The following ANO2 variants were observed in gnomAD, a reference collection of about 807,000 sequenced individuals.
ANO2 encodes the protein anoctamin-2.
Under a neutral mutation model 124.2 loss-of-function variants are expected in ANO2, and 101 were observed. The observed-to-expected ratio is 0.81, with a 90% CI of 0.69 to 0.96. ANO2 has a LOEUF of 0.96. Among genes scored for constraint, ANO2 ranks in the 40% least tolerant of loss-of-function variants. The pLI is 0.00. For missense variants in ANO2, 1,293 were observed against 1,274.5 expected, an observed-to-expected ratio of 1.01 and a Z score of -0.22; for synonymous variants, 486 against 482.5, an observed-to-expected ratio of 1.01 and a Z score of -0.09.
intron 1 of ANO2, among the ~76,000 whole-genome samples, chr12:5,930,777 C>G (rs970198212): frequency 3.3e-5 from 5 of 152,172 alleles, no homozygotes; most frequent in African/African-American, 9.6e-5. Context: ...CACCCCTTGC[C>G]CCAGAGGTCC....
chr12:5,628,661 G>A (rs1472275405), intron 16 of ANO2, among the ~76,000 whole-genome samples: 1 of 143,854 alleles, frequency 7.0e-6, no homozygotes, highest in Non-Finnish European at 1.5e-5. Flanking sequence ...TACAGGGTAA[G>A]CAGAGAGTGT....
In ANO2 at chr12:5,923,867, TG is replaced by T. The variant is rs372092489; in HGVS notation, c.23-1064del. On this transcript the variant is annotated intron_variant, in intron 1 of 24. Coordinates refer to ENST00000682330, the MANE Select transcript of ANO2 (RefSeq NM_001364791.2). ...CTTCCTAGAAAAGCAACACAGCCAG[TG>T]CCCAGGCTTAAACCTCAGCTCTGCC... Among the ~76,000 whole-genome samples, 568 of 152,346 alleles carry T rather than the reference TG, an allele frequency of 3.7e-3. 6 individuals carry two copies. The highest frequency in any genetic ancestry group is 0.013 in the African/African-American group (529 of 41,582).
chr12:5,685,240 GC>G (rs1948656721), intron 14 of ANO2, among the ~76,000 whole-genome samples: 1 of 152,188 alleles, frequency 6.6e-6, no homozygotes, highest in South Asian at 2.1e-4. Context: ...GGCTCAATGG[GC>G]TGTCTCTGAA....
intron 14 of ANO2, 88 bp downstream of exon 14, chr12:5,732,432 G>A (rs547929025): frequency 2.1e-4 from 234 of 1,107,414 alleles, no homozygotes; most frequent in Admixed American, 5.1e-4. Flanking sequence ...CTCAAGCCCA[G>A]TCTCCCTTCA....
chr12:5,822,219 T>C (rs1484272158), intron 7 of ANO2, among the ~76,000 whole-genome samples: 1 of 152,118 alleles, frequency 6.6e-6, no homozygotes, highest in East Asian at 1.9e-4. Flanking sequence ...CTGTAGCCAA[T>C]GGTTTGGTTG....
intron 7 of ANO2, among the ~76,000 whole-genome samples, chr12:5,813,814 A>T (rs1953512284): frequency 6.6e-6 from 1 of 152,184 alleles, no homozygotes; most frequent in Admixed American, 6.5e-5. Context: ...TTTGAATCAC[A>T]GAGTCTGGGA....
intron 7 of ANO2, among the ~76,000 whole-genome samples, chr12:5,810,829 C>T (rs1017514179): frequency 1.3e-5 from 2 of 152,206 alleles, no homozygotes; most frequent in East Asian, 3.8e-4. Flanking sequence ...ATGGACCACA[C>T]ATCTGTGCAG....
At chr12:5,609,918 A>C (rs572586079) in intron 19 of ANO2, among the ~76,000 whole-genome samples, 104 of 146,354 alleles carry the variant, frequency 7.1e-4, no homozygotes, top group African/African-American at 2.5e-3. Flanking sequence ...ATATAAATTT[A>C]TATCTATATG....
intron 8 of ANO2, among the ~76,000 whole-genome samples, chr12:5,806,847 G>A (rs982440749): frequency 6.6e-6 from 1 of 152,142 alleles, no homozygotes; most frequent in African/African-American, 2.4e-5. Flanking sequence ...ATGTTAAGGA[G>A]GAATTTCACA....
intron 7 of ANO2, among the ~76,000 whole-genome samples, chr12:5,824,318 C>A (rs894284009): frequency 6.6e-6 from 1 of 152,206 alleles, no homozygotes; most frequent in Non-Finnish European, 1.5e-5. Flanking sequence ...AAACTGAATG[C>A]TTTTAACAGC....
intron 7 of ANO2, among the ~76,000 whole-genome samples, chr12:5,826,628 T>C (rs1057417222): frequency 1.3e-5 from 2 of 152,136 alleles, no homozygotes; most frequent in African/African-American, 2.4e-5. Context: ...TGGAATCTTG[T>C]AGCAAGATGA....
rs67252256 is a variant in ANO2, at chr12:5,643,063, T to TACACACACACAC, written c.1620+4652_1620+4663dup. On this transcript the variant is annotated intron_variant, in intron 15 of 24. Transcript: ENST00000682330. ...TGTGAACATGCAGAAAAATCCATTT[T>TACACACACACAC]ACACACACACACACACACACACACA... 2.5e-3 allele frequency among the ~76,000 whole-genome samples: 376 copies of TACACACACACAC among 150,080 alleles called. 1 individual carries two copies. The highest frequency in any genetic ancestry group is 8.7e-3 in the African/African-American group (354 of 40,918).
chr12:5,775,713 G>A (rs553571285), intron 10 of ANO2, among the ~76,000 whole-genome samples: 23 of 152,138 alleles, frequency 1.5e-4, no homozygotes, highest in Non-Finnish European at 2.2e-4. Flanking sequence ...CACCTGCCTC[G>A]GCCTCCCAAA....
intron 23 of ANO2, among the ~76,000 whole-genome samples, chr12:5,569,536 G>T (rs924142517): frequency 1.3e-5 from 2 of 152,210 alleles, no homozygotes; most frequent in African/African-American, 4.8e-5. Flanking sequence ...CAACTAGCCT[G>T]TCTAAAAAGC....
At chr12:5,867,508 A>G (rs1256625156) in intron 3 of ANO2, among the ~76,000 whole-genome samples, 1 of 152,210 alleles carries the variant, frequency 6.6e-6, no homozygotes, top group Non-Finnish European at 1.5e-5. Context: ...ACAGTGCTCC[A>G]CTGAGACTTC....
At chr12:5,647,884 G>A in intron 14 of ANO2, 83 bp from the exon 15 acceptor site, 1 of 1,016,456 alleles carries the variant, frequency 9.8e-7, no homozygotes, top group Non-Finnish European at 1.5e-6. Flanking sequence ...ATATTTGCAT[G>A]CGATTGATCA....
At chr12:5,597,113 T>C (rs995605162) in intron 20 of ANO2, among the ~76,000 whole-genome samples, 1 of 152,170 alleles carries the variant, frequency 6.6e-6, no homozygotes, top group African/African-American at 2.4e-5. Context: ...TTTTTAACTT[T>C]TAAGTTTAGG....
chr12:5,807,086 G>C (rs534932225), intron 8 of ANO2, among the ~76,000 whole-genome samples: 126 of 152,296 alleles, frequency 8.3e-4, no homozygotes, highest in Middle Eastern at 6.8e-3. Context: ...CCAGTTTATT[G>C]TGTCATCTGG....
chr12:5,751,110 AC>A (rs1951425342), intron 10 of ANO2, 140 bp from the exon 11 acceptor site: 3 of 793,352 alleles, frequency 3.8e-6, no homozygotes, highest in Admixed American at 6.3e-5. Context: ...TGGAGGTTGC[AC>A]GGGGAAGGGG....
Sources: gnomAD v4.1 joint callset for allele counts (sites outside exome capture counted in the v4.1 genomes callset) on GRCh38, gnomAD v4.1.1 for gene constraint, MANE v1.5 for transcripts, NCBI Gene and HGNC (gene_info 2026-07-23, HGNC 2026-07-21) for gene names.